CNTLN: variants seen among roughly 807,000 people sequenced by gnomAD.
The protein encoded by CNTLN is centlein, also known as centlein, centrosomal protein.
A neutral mutation model predicts 180.0 loss-of-function variants in CNTLN; 212 were observed. The ratio of observed to expected loss-of-function variants is 1.18; its 90% CI spans 1.05 to 1.32. The LOEUF (loss-of-function observed/expected upper bound fraction) is 1.32, where lower values mean the gene tolerates loss of function less well. Ranked by LOEUF, CNTLN falls within the 40% of genes most tolerant of loss-of-function variation. The pLI is 0.00. For missense variants in CNTLN, 2,095 were observed against 1,610.9 expected (o/e 1.30, Z -5.14); for synonymous variants, 722 against 563.1 (o/e 1.28, Z -3.99).
chr9:17,507,742 A>G (rs1318419764), downstream of CNTLN, among the ~76,000 whole-genome samples: 1 of 152,226 alleles, frequency 6.6e-6, no homozygotes, highest in Non-Finnish European at 1.5e-5. Flanking sequence ...ACACAGACAT[A>G]TTTGATCAGA....
chr9:17,379,935 A>G (rs7047093), intron 13 of CNTLN, among the ~76,000 whole-genome samples: 124,789 of 152,072 alleles, frequency 0.82, 51,581 homozygotes, highest in Non-Finnish European at 0.87. Flanking sequence ...GCAATTTATA[A>G]CGTAATGGGT....
intron 2 of CNTLN, among the ~76,000 whole-genome samples, chr9:17,173,895 T>C (rs964911752): frequency 6.6e-6 from 1 of 151,924 alleles, no homozygotes; most frequent in African/African-American, 2.4e-5. Flanking sequence ...TATAGTACAG[T>C]ATGAAGACAG....
the CNTLN span, among the ~76,000 whole-genome samples, chr9:17,519,051 T>C: frequency 2.0e-5 from 3 of 146,982 alleles, no homozygotes; most frequent in Non-Finnish European, 3.0e-5. Flanking sequence ...GCCCCCTGAG[T>C]AGCTGGGACT....
rs748339616 is a variant in CNTLN, at chr9:17,419,785, G to T, written c.3114+3596G>T. ...AATTTTTATTTAATCATTATCTACA[G>T]CCCCATCCTCTTCTACCTGTCTCTG... On this transcript the variant is annotated intron_variant, in intron 18 of 25. Coordinates refer to ENST00000380647, the MANE Select transcript of CNTLN (RefSeq NM_017738.4). 1.3e-4 allele frequency among the ~76,000 whole-genome samples: 20 copies of T among 152,142 alleles called. 1 individual carries two copies. The highest frequency in any genetic ancestry group is 4.3e-4 in the African/African-American group (18 of 41,502).
chr9:17,265,538 A>T (rs1038673401), intron 5 of CNTLN, among the ~76,000 whole-genome samples: 2 of 152,156 alleles, frequency 1.3e-5, no homozygotes, highest in East Asian at 3.9e-4. Context: ...CTTTGGTTTG[A>T]GGATGATGCT....
chr9:17,213,208 C>T (rs1823465215), intron 2 of CNTLN, among the ~76,000 whole-genome samples: 1 of 152,064 alleles, frequency 6.6e-6, no homozygotes, highest in South Asian at 2.1e-4. Flanking sequence ...TATAAATTTC[C>T]CTCTACACAC....
chr9:17,216,558 G>C (rs1283559856), intron 2 of CNTLN, among the ~76,000 whole-genome samples: 2 of 151,770 alleles, frequency 1.3e-5, no homozygotes, highest in African/African-American at 4.8e-5. Context: ...TGATACACTT[G>C]GTTCAAAGAT....
intron 18 of CNTLN, among the ~76,000 whole-genome samples, chr9:17,454,741 CTT>C (rs1831012166): frequency 6.6e-6 from 1 of 152,196 alleles, no homozygotes; most frequent in Non-Finnish European, 1.5e-5. Context: ...AGCACCATCT[CTT>C]TTTAAATGAG....
intron 2 of CNTLN, among the ~76,000 whole-genome samples, chr9:17,165,917 C>G (rs1376024169): frequency 1.3e-5 from 2 of 152,222 alleles, no homozygotes; most frequent in Admixed American, 1.3e-4. Flanking sequence ...TTCCCCCACA[C>G]TGTTAACTAT....
intron 1 of CNTLN, 23 bp downstream of exon 1, chr9:17,135,448 C>A (rs1188097296): frequency 6.3e-7 from 1 of 1,577,028 alleles, no homozygotes; most frequent in Non-Finnish European, 8.6e-7. Flanking sequence ...CTCGCAGTCC[C>A]CCTTTCCCCA....
At chr9:17,442,714 A>G (rs1045519522) in intron 18 of CNTLN, among the ~76,000 whole-genome samples, 3 of 152,164 alleles carry the variant, frequency 2.0e-5, no homozygotes, top group African/African-American at 4.8e-5. Flanking sequence ...AAACACTCTT[A>G]AACAACCAAT....
At chr9:17,365,763 A>G (rs368395061) in intron 12 of CNTLN, among the ~76,000 whole-genome samples, 10 of 152,120 alleles carry the variant, frequency 6.6e-5, no homozygotes, top group Admixed American at 5.2e-4. Context: ...AGTTCAGCCT[A>G]TGCAACTTGG....
chr9:17,517,114 G>A, the CNTLN span, among the ~76,000 whole-genome samples: 13 of 152,112 alleles, frequency 8.5e-5, no homozygotes, highest in East Asian at 7.8e-4. Context: ...GGTCTTGGCC[G>A]GGCGCGGTGG....
chr9:17,388,955 T>C (rs891243140), intron 14 of CNTLN, among the ~76,000 whole-genome samples: 11 of 152,074 alleles, frequency 7.2e-5, no homozygotes, highest in Admixed American at 1.3e-4. Context: ...ATAAAGAAAA[T>C]AATCTTTAAA....
At chr9:17,141,840 T>C (rs1308638391) in intron 1 of CNTLN, among the ~76,000 whole-genome samples, 1 of 151,894 alleles carries the variant, frequency 6.6e-6, no homozygotes, top group Admixed American at 6.6e-5. Flanking sequence ...TCCCAGCACT[T>C]TGGGAGGCCG....
intron 2 of CNTLN, among the ~76,000 whole-genome samples, chr9:17,182,398 G>T (rs1188785074): frequency 6.6e-6 from 1 of 152,024 alleles, no homozygotes; most frequent in African/African-American, 2.4e-5. Context: ...TAATAACAAG[G>T]TCCCAAGGTC....
intron 24 of CNTLN, among the ~76,000 whole-genome samples, chr9:17,484,693 A>G (rs1294605002): frequency 6.6e-6 from 1 of 152,130 alleles, no homozygotes; most frequent in Non-Finnish European, 1.5e-5. Flanking sequence ...GAAATAAGCT[A>G]GTACTTATAA....
chr9:17,416,850 A>C (rs1398380143), intron 18 of CNTLN, among the ~76,000 whole-genome samples: 2 of 152,122 alleles, frequency 1.3e-5, no homozygotes, highest in Non-Finnish European at 2.9e-5. Context: ...GTAATGAATG[A>C]TTTGTTAGAA....
At chr9:17,340,190 T>C (rs1821364683) in intron 10 of CNTLN, among the ~76,000 whole-genome samples, 1 of 152,084 alleles carries the variant, frequency 6.6e-6, no homozygotes, top group Non-Finnish European at 1.5e-5. Flanking sequence ...ACTATAATTG[T>C]CTAACCTAGG....
Sources: gnomAD v4.1 joint callset for allele counts (sites outside exome capture counted in the v4.1 genomes callset) on GRCh38, gnomAD v4.1.1 for gene constraint, MANE v1.5 for transcripts, NCBI Gene and HGNC (gene_info 2026-07-23, HGNC 2026-07-21) for gene names.